Variants in SLC1A7 observed in about 807,000 individuals in gnomAD.
The protein encoded by SLC1A7 is excitatory amino acid transporter 5.
A neutral mutation model predicts 47.7 loss-of-function variants in SLC1A7; 40 were observed. The observed-to-expected ratio is 0.84, with a 90% CI of 0.65 to 1.09. SLC1A7 has a LOEUF of 1.09. Among genes scored for constraint, SLC1A7 ranks in the 50% least tolerant of loss-of-function variants. The pLI, the probability that SLC1A7 is intolerant of heterozygous loss-of-function variation, is 0.00. For synonymous variants in SLC1A7, 323 were observed against 325.6 expected (o/e 0.99, Z 0.09); for missense variants, 746 against 769.5 (o/e 0.97, Z 0.36).
intron 5 of SLC1A7, among the ~76,000 whole-genome samples, chr1:53,097,520 C>G (rs1397043947): frequency 6.7e-6 from 1 of 148,184 alleles, no homozygotes; most frequent in Non-Finnish European, 1.5e-5. Context: ...ACTCACACAC[C>G]CTGCCTTGGT....
In SLC1A7 at chr1:53,093,539, C is replaced by G. The variant is rs142744203; in HGVS notation, c.719G>C (p.Gly240Ala). 6.2e-7 allele frequency: 1 copy of G among 1,606,428 alleles called. No individual in the cohort carries two copies. Among genetic ancestry groups the G allele is most frequent in the Non-Finnish European group, 8.5e-7 (1 of 1,179,268 alleles). Residue 240 changes from glycine (G) to alanine (A), a missense_variant, in exon 6 of 11, where the codon GGT becomes GCT. By Grantham distance (60) the Gly-to-Ala change is moderately conservative. Transcript: ENST00000371494. ...ATMGIMLGRMGDSGAPLVSFC... is the reference protein window; with the variant it reads ...ATMGIMLGRMADSGAPLVSFC... ...GCTGACCAGGGGGGCCCCGCTGTCA[C>G]CCATGCGGCCCAGCATGATGCCTGC... is the stretch of plus-strand genomic sequence containing the variant.
chr1:53,128,964 A>G (rs1346485684), intron 2 of SLC1A7, among the ~76,000 whole-genome samples: 4 of 141,030 alleles, frequency 2.8e-5, no homozygotes, highest in African/African-American at 1.1e-4. Flanking sequence ...GGATCACCTG[A>G]GGTCAGGAGT....
At position 53,142,587 on chromosome 1, in the gene SLC1A7, C is replaced by A. The variant is rs1337794611; in HGVS notation, c.-138G>T. On this transcript the variant is annotated 5_prime_UTR_variant, in exon 1 of 11. Coordinates refer to ENST00000371494, the MANE Select transcript of SLC1A7 (RefSeq NM_006671.6). ...AGTTGCTAAACACCAGTCGCCAGCC[C>A]CACGGCCATGCCCGTGTGGCCGCCT... 3 of 936,342 alleles carry A rather than the reference C, an allele frequency of 3.2e-6. No homozygotes were observed. Among genetic ancestry groups the A allele is most frequent in the East Asian group, 5.5e-5 (2 of 36,598 alleles). The allele number at this position is 936,342 out of a possible 1,614,324, so 58.0% of individuals were successfully genotyped here. A position where few individuals can be genotyped will look rare whatever the true frequency, so the allele number is the denominator to read the frequency against.
chr1:53,123,985 C>T (rs1644853052), intron 2 of SLC1A7, among the ~76,000 whole-genome samples: 1 of 152,234 alleles, frequency 6.6e-6, no homozygotes, highest in South Asian at 2.1e-4. Flanking sequence ...CGCTCCTCTG[C>T]CTCCTCCTGC....
At chr1:53,122,426 A>C (rs919466967) in intron 2 of SLC1A7, among the ~76,000 whole-genome samples, 14 of 152,310 alleles carry the variant, frequency 9.2e-5, no homozygotes, top group Admixed American at 2.0e-4. Context: ...CGCAGGAAGG[A>C]GGCTTCGGGG....
chr1:53,136,812 G>A (rs933579413), intron 1 of SLC1A7, among the ~76,000 whole-genome samples: 1 of 151,290 alleles, frequency 6.6e-6, no homozygotes, highest in Non-Finnish European at 1.5e-5. Flanking sequence ...GACCACAGAT[G>A]TATGCCACCA....
At chr1:53,089,091 C>T in intron 9 of SLC1A7, 112 bp from the exon 10 acceptor site, 3 of 856,720 alleles carry the variant, frequency 3.5e-6, no homozygotes, top group Non-Finnish European at 5.9e-6. Context: ...TCATGCAAAG[C>T]CTGCAGCCAG....
rs550038468 is a variant in SLC1A7, at chr1:53,114,659, A to T, written c.431+99T>A. 54 of 992,980 alleles carry T rather than the reference A, an allele frequency of 5.4e-5. No homozygotes were observed. In the African/African-American group the frequency reaches 8.1e-4, roughly 15 times the overall value. The allele number at this position is 992,980 out of a possible 1,614,324, so 61.5% of individuals were successfully genotyped here. A position where few individuals can be genotyped will look rare whatever the true frequency, so the allele number is the denominator to read the frequency against. On this transcript the variant is annotated intron_variant, in intron 3 of 10. Transcript: ENST00000371494. ...CACCAGGGTGATCATGGACTCCGTG[A>T]TCACCCCCATCTCCACACCCCGTCC... is the stretch of plus-strand genomic sequence containing the variant.
intron 2 of SLC1A7, among the ~76,000 whole-genome samples, chr1:53,116,538 G>A (rs1644763596): frequency 6.6e-6 from 1 of 152,208 alleles, no homozygotes; most frequent in South Asian, 2.1e-4. Flanking sequence ...CTTAGGGTGG[G>A]TCTTAGACAT....
intron 5 of SLC1A7, among the ~76,000 whole-genome samples, chr1:53,097,709 G>A (rs1290565120): frequency 6.8e-6 from 1 of 147,466 alleles, no homozygotes; most frequent in Non-Finnish European, 1.5e-5. Flanking sequence ...ACCCACCACA[G>A]TACACCCACA....
chr1:53,136,448 C>A (rs1644994897), intron 1 of SLC1A7, among the ~76,000 whole-genome samples: 3 of 147,848 alleles, frequency 2.0e-5, no homozygotes, highest in Non-Finnish European at 4.5e-5. Context: ...CCGCCTCGGC[C>A]TCCCAAAGTG....
At chr1:53,099,951 ACCT>A (rs1644552793) in intron 5 of SLC1A7, among the ~76,000 whole-genome samples, 1 of 139,900 alleles carries the variant, frequency 7.1e-6, no homozygotes, top group East Asian at 2.2e-4. Context: ...ACACCACACC[ACCT>A]CGTTATACTC....
At position 53,132,904 on chromosome 1, in the gene SLC1A7, G is replaced by T. The variant is rs148446850; in HGVS notation, c.215+1446C>A. ...TCCAAGTGGAGATGTCAAATAGGCA[G>T]TTGGTTAATGAAGTATGGAGCTCAC... On this transcript the variant is annotated intron_variant, in intron 2 of 10. Coordinates refer to ENST00000371494, the MANE Select transcript of SLC1A7 (RefSeq NM_006671.6). Among the ~76,000 whole-genome samples the T allele has an allele frequency of 3.9e-5, 6 of 152,340 alleles. No individual in the cohort carries two copies. In the East Asian group the frequency reaches 1.2e-3, roughly 29 times the overall value.
In SLC1A7 at chr1:53,087,840, C is replaced by T; in HGVS notation, c.*169G>A. The T allele has an allele frequency of 2.4e-6, 1 of 416,794 alleles. No individual in the cohort carries two copies. The highest frequency in any genetic ancestry group is 4.2e-6 in the Non-Finnish European group (1 of 235,712). The allele number at this position is 416,794 out of a possible 1,614,324, so 25.8% of individuals were successfully genotyped here. A position where few individuals can be genotyped will look rare whatever the true frequency, so the allele number is the denominator to read the frequency against. On this transcript the variant is annotated 3_prime_UTR_variant, in exon 11 of 11. Transcript: ENST00000371494. ...ATGGGGCTCCCCCATGCAGCCTTTC[C>T]CTTCTCTGAGATACATTTTCCGTCA...
chr1:53,108,511 GC>G, intron 3 of SLC1A7: 1 of 711,318 alleles, frequency 1.4e-6, no homozygotes, highest in South Asian at 1.5e-5. Context: ...TGATTCTCTT[GC>G]TAATGGGGTG....
In SLC1A7 at chr1:53,088,945, C is replaced by T. The variant is rs757568398; in HGVS notation, c.1396G>A (p.Asp466Asn). 6.2e-7 allele frequency: 1 copy of T among 1,614,182 alleles called. No homozygotes were observed. Among genetic ancestry groups the T allele is most frequent in the Non-Finnish European group, 8.5e-7 (1 of 1,180,044 alleles). ...GCCATGATCCCCGCTGCCAGCGCAT[C>T]ACCCAGCACGTTAATCATGGTGCGG... Reference protein sequence around the residue: ...RFRTMINVLGDALAAGIMAHI... With the variant: ...RFRTMINVLGNALAAGIMAHI... The change falls in exon 10 of 11, where the codon GAT becomes AAT. Residue 466 changes from aspartate to asparagine, a missense_variant. Physicochemically the swap from Asp to Asn is conservative, Grantham distance 23. Transcript: ENST00000371494.
At chr1:53,120,997 C>G (rs1769301) in intron 2 of SLC1A7, among the ~76,000 whole-genome samples, 150,156 of 152,368 alleles carry the variant, frequency 0.99, 74,027 homozygotes, top group Middle Eastern at 1. Context: ...AGGATGAGTG[C>G]GGATGATGCC....
rs764478984 is a variant in SLC1A7, at chr1:53,103,545, A to C, written c.498T>G (p.Val166=). The C allele has an allele frequency of 1.2e-6, 2 of 1,604,826 alleles. No individual in the cohort carries two copies. Among genetic ancestry groups the C allele is most frequent in the Non-Finnish European group, 1.7e-6 (2 of 1,175,040 alleles). The part of the protein sequence containing the change: ...FKQYRTKTTP[V]VKSPKVAPEE... ...CTGGTGCCACCTTGGGGGACTTGAC[A>C]ACTGGGGTGGTCTTGGTGCGGTACT... Residue 166 remains valine (V), a synonymous_variant, in exon 5 of 11, where the codon GTT becomes GTG. Transcript: ENST00000371494.
intron 2 of SLC1A7, among the ~76,000 whole-genome samples, chr1:53,132,925 C>T (rs914496228): frequency 6.6e-5 from 10 of 152,256 alleles, no homozygotes; most frequent in Admixed American, 5.9e-4. Context: ...AAGTATGGAG[C>T]TCACAGGAGA....
Sources: gnomAD v4.1 joint callset for allele counts (sites outside exome capture counted in the v4.1 genomes callset) on GRCh38, gnomAD v4.1.1 for gene constraint, MANE v1.5 for transcripts, NCBI Gene and HGNC (gene_info 2026-07-23, HGNC 2026-07-21) for gene names.